Variants in IL18R1 observed in about 807,000 individuals in gnomAD.
The protein encoded by IL18R1 is interleukin 18 receptor 1.
Under a neutral mutation model 48.5 loss-of-function variants are expected in IL18R1, and 40 were observed. That is an observed-to-expected ratio of 0.82 (90% CI 0.64 to 1.07). The LOEUF is 1.07. Among genes scored for constraint, IL18R1 ranks in the 50% least tolerant of loss-of-function variants. The probability of loss-of-function intolerance (pLI) is 0.00; values close to 1 mark genes in which losing one functional copy is unlikely to be tolerated. For missense variants in IL18R1, 596 were observed against 633.7 expected, an observed-to-expected ratio of 0.94 and a Z score of 0.64; for synonymous variants, 232 against 225.9, an observed-to-expected ratio of 1.03 and a Z score of -0.24.
chr2:102,371,859 GA>G (rs34318712), intron 3 of IL18R1, 93 bp from the exon 4 acceptor site: 10,654 of 707,630 alleles, frequency 0.015, 93 homozygotes, highest in Middle Eastern at 0.02. Context: ...AAAAATAAAG[GA>G]AAAATATTGT....
At chr2:102,370,534 C>G (rs1231192776) in intron 3 of IL18R1, among the ~76,000 whole-genome samples, 1 of 152,210 alleles carries the variant, frequency 6.6e-6, no homozygotes, top group South Asian at 2.1e-4. Flanking sequence ...GTGACAACAG[C>G]CTGCCACATT....
intron 10 of IL18R1, among the ~76,000 whole-genome samples, chr2:102,396,214 C>T (rs17027071): frequency 0.24 from 36,699 of 151,862 alleles, 5,004 homozygotes; most frequent in East Asian, 0.5. Flanking sequence ...CTCTGTGCTC[C>T]GGCTTCCTTG....
intron 4 of IL18R1, among the ~76,000 whole-genome samples, chr2:102,373,757 C>T (rs1007442587): frequency 6.6e-6 from 1 of 152,114 alleles, no homozygotes; most frequent in African/African-American, 2.4e-5. Flanking sequence ...TCAGGGGTCC[C>T]CAATCCCCAT....
At chr2:102,368,158 T>G in intron 3 of IL18R1, 90 bp downstream of exon 3, 1 of 1,395,176 alleles carries the variant, frequency 7.2e-7, no homozygotes, top group South Asian at 1.3e-5. Context: ...AAAGGTCAGA[T>G]AATCACCACA....
At chr2:102,381,934 G>A (rs1679944078) in intron 6 of IL18R1, among the ~76,000 whole-genome samples, 1 of 152,090 alleles carries the variant, frequency 6.6e-6, no homozygotes, top group Admixed American at 6.6e-5. Flanking sequence ...TTTTTGTTGT[G>A]CTGTGTGTGG....
At chr2:102,375,206 T>A (rs1219015880) in intron 4 of IL18R1, among the ~76,000 whole-genome samples, 1 of 152,156 alleles carries the variant, frequency 6.6e-6, no homozygotes, top group Non-Finnish European at 1.5e-5. Flanking sequence ...CCCCCAGACA[T>A]CCCATGTGGT....
In IL18R1 at chr2:102,377,250, G is replaced by A. The variant is rs11465629; in HGVS notation, c.625+1187G>A. On this transcript the variant is annotated intron_variant, in intron 5 of 10. Transcript: ENST00000233957. ...AGTTTAGTGTCTTCGGTAAAATCAA[G>A]GTTTTGCCAGAATTGCTTTACTTCT... 9.8e-4 allele frequency among the ~76,000 whole-genome samples: 150 copies of A among 152,298 alleles called. 1 individual carries two copies. Among genetic ancestry groups the A allele is most frequent in the African/African-American group, 3.4e-3 (142 of 41,562 alleles).
chr2:102,370,508 C>T (rs1219554199), intron 3 of IL18R1, among the ~76,000 whole-genome samples: 1 of 152,234 alleles, frequency 6.6e-6, no homozygotes, highest in Non-Finnish European at 1.5e-5. Context: ...TGGCCATGGA[C>T]CCACTGCCTA....
chr2:102,381,638 C>T lies in IL18R1; in HGVS notation c.644C>T (p.Pro215Leu), dbSNP rs773036985. 2.5e-6 allele frequency: 4 copies of T among 1,612,836 alleles called. No homozygotes were observed. Among genetic ancestry groups the T allele is most frequent in the Admixed American group, 3.3e-5 (2 of 59,988 alleles). The change falls in exon 6 of 11, where the codon CCG (proline) becomes CTG (leucine). Residue 215 changes from proline to leucine, a missense_variant. Coordinates refer to ENST00000233957, the MANE Select transcript of IL18R1 (RefSeq NM_003855.5). ...TIVEDRSNIVPVLLGPKLNHV... is the reference protein window; with the variant it reads ...TIVEDRSNIVLVLLGPKLNHV... ...CTTCTAGATCGCAGTAATATAGTTC[C>T]GGTTCTTCTTGGACCAAAGCTTAAC...
chr2:102,356,355 G>C lies in IL18R1; in HGVS notation c.-74G>C, dbSNP rs1423613123. 1 of 985,170 alleles carries C rather than the reference G, an allele frequency of 1.0e-6. No individual in the cohort carries two copies. Among genetic ancestry groups the C allele is most frequent in the African/African-American group, 1.7e-5 (1 of 57,168 alleles). The allele number at this position is 985,170 out of a possible 1,614,324, so 61.0% of individuals were successfully genotyped here. ...TCCGCAGTCGCGACCTGGCGTGAAG[G>C]AGGAGCTGCCGCCCCCGCCCCAGCC... On this transcript the variant is annotated 5_prime_UTR_variant, in exon 1 of 11. Coordinates refer to ENST00000233957, the MANE Select transcript of IL18R1 (RefSeq NM_003855.5).
intron 4 of IL18R1, among the ~76,000 whole-genome samples, chr2:102,372,877 G>T (rs1324437762): frequency 6.6e-6 from 1 of 152,054 alleles, no homozygotes; most frequent in African/African-American, 2.4e-5. Context: ...GTGTTTATAT[G>T]ATTTGTCCTT....
intron 7 of IL18R1, among the ~76,000 whole-genome samples, chr2:102,386,583 T>C (rs2241117): frequency 0.77 from 117,574 of 152,170 alleles, 46,411 homozygotes; most frequent in African/African-American, 0.89. Context: ...AATATTTTCT[T>C]ATATTTTCAA....
At chr2:102,368,742 G>A (rs562050915) in intron 3 of IL18R1, among the ~76,000 whole-genome samples, 1 of 152,156 alleles carries the variant, frequency 6.6e-6, no homozygotes, top group African/African-American at 2.4e-5. Context: ...TACCGAACAT[G>A]TTTCTTTTTA....
chr2:102,375,324 TGAGA>T (rs1573204724), intron 4 of IL18R1, among the ~76,000 whole-genome samples: 1 of 152,034 alleles, frequency 6.6e-6, no homozygotes, highest in African/African-American at 2.4e-5. Flanking sequence ...GAAATGTGTG[TGAGA>T]GAGAGAGAGA....
chr2:102,372,066 C>T lies in IL18R1; in HGVS notation c.416C>T (p.Thr139Ile), dbSNP rs34216045. 4.5e-3 allele frequency: 7,164 copies of T among 1,608,054 alleles called. 19 individuals carry two copies. Among genetic ancestry groups the T allele is most frequent in the Non-Finnish European group, 5.3e-3 (6,280 of 1,177,846 alleles). The change falls in exon 4 of 11, where the codon ACC (threonine) becomes ATC (isoleucine). Residue 139 changes from threonine (T) to isoleucine (I), a missense_variant. This residue lies in a region of IL18R1 where 360 missense variants were observed against 339.4 expected (regional missense o/e 1.06). Transcript: ENST00000233957. ...GAAGTTAAAAAATTTTTTCAGATAA[C>T]CTGTGAAAACAGTTACTATCAAACA... ...IVEVKKFFQI[T>I]CENSYYQTLV...
intron 1 of IL18R1, among the ~76,000 whole-genome samples, chr2:102,361,807 G>GA (rs562651255): frequency 1.6e-3 from 242 of 152,298 alleles, no homozygotes; most frequent in African/African-American, 5.3e-3. Context: ...CACTGTGGGG[G>GA]ATCCTTCCTC....
intron 8 of IL18R1, among the ~76,000 whole-genome samples, chr2:102,387,999 C>T (rs1019306463): frequency 6.6e-6 from 1 of 152,010 alleles, no homozygotes; most frequent in Non-Finnish European, 1.5e-5. Flanking sequence ...GATGCAAATA[C>T]AGAGAGATGA....
intron 8 of IL18R1, among the ~76,000 whole-genome samples, chr2:102,388,703 T>C (rs1022292151): frequency 6.6e-6 from 1 of 152,192 alleles, no homozygotes; most frequent in Admixed American, 6.5e-5. Flanking sequence ...CCCGTGCCAA[T>C]GTGTGCGTGC....
chr2:102,395,425 T>C (rs946263635), intron 10 of IL18R1, among the ~76,000 whole-genome samples: 1 of 152,146 alleles, frequency 6.6e-6, no homozygotes, highest in Admixed American at 6.5e-5. Flanking sequence ...CTGTGCCAAG[T>C]TGTGAACTGG....
Sources: allele counts gnomAD v4.1 joint callset (sites outside exome capture counted in the v4.1 genomes callset), GRCh38; gene constraint gnomAD v4.1.1; regional missense constraint gnomAD v4.1.1; transcripts MANE v1.5; gene names NCBI Gene and HGNC (gene_info 2026-07-23, HGNC 2026-07-21).